Variants in CSMD1 observed in about 807,000 individuals in gnomAD.
CSMD1 encodes the protein CUB and Sushi multiple domains 1.
A neutral mutation model predicts 417.5 loss-of-function variants in CSMD1; 213 were observed. The ratio of observed to expected loss-of-function variants is 0.51; its 90% confidence interval spans 0.46 to 0.57. CSMD1 has a LOEUF of 0.57. Among genes scored for constraint, CSMD1 ranks in the 20% least tolerant of loss-of-function variants. The pLI is 0.00. For missense variants in CSMD1, 6,923 were observed against 4,529.7 expected (o/e 1.53, Z -15.17); for synonymous variants, 2,862 against 1,736.8 (o/e 1.65, Z -16.11).
chr8:4,815,479 T>C (rs1433536651), intron 1 of CSMD1, among the ~76,000 whole-genome samples: 2 of 151,894 alleles, frequency 1.3e-5, no homozygotes, highest in Non-Finnish European at 2.9e-5. Flanking sequence ...GAGCATCACA[T>C]GAGGTCAGGA....
chr8:4,355,322 C>T (rs1267288746), intron 3 of CSMD1, among the ~76,000 whole-genome samples: 1 of 132,890 alleles, frequency 7.5e-6, no homozygotes, highest in Non-Finnish European at 1.7e-5. Context: ...CACACACACA[C>T]ACGCACACAC....
intron 1 of CSMD1, among the ~76,000 whole-genome samples, chr8:4,729,026 GACGGA>G (rs1430073539): frequency 6.6e-6 from 1 of 152,140 alleles, no homozygotes; most frequent in African/African-American, 2.4e-5. Context: ...TTAGTATACA[GACGGA>G]AAGAGATAAA....
chr8:3,233,100 T>C (rs1798938783), intron 26 of CSMD1, among the ~76,000 whole-genome samples: 3 of 152,184 alleles, frequency 2.0e-5, no homozygotes, highest in Admixed American at 2.0e-4. Context: ...CATTTTTTTT[T>C]TCTGAGTTTT....
In CSMD1 at chr8:3,549,993, T is replaced by C. The variant is rs73176978; in HGVS notation, c.1344+24952A>G. Among the ~76,000 whole-genome samples, 593 of 152,334 alleles carry C rather than the reference T, an allele frequency of 3.9e-3. 3 individuals carry two copies. Among genetic ancestry groups the C allele is most frequent in the Middle Eastern group, 6.8e-3 (2 of 294 alleles). On this transcript the variant is annotated intron_variant, in intron 10 of 69. Coordinates refer to ENST00000635120, the MANE Select transcript of CSMD1 (RefSeq NM_033225.6). The stretch of plus-strand genomic sequence containing the variant: ...TAGACATAAAGAGTTAATATATGTG[T>C]TGCTTATGTTTTAATGACCACCTTC...
intron 50 of CSMD1, chr8:3,043,798 T>C (rs1585214870): frequency 6.6e-6 from 1 of 152,386 alleles, no homozygotes; most frequent in Admixed American, 6.6e-5. Flanking sequence ...AAACACATTA[T>C]AAGGCAAACA....
At chr8:3,789,202 G>A (rs1180408011) in intron 5 of CSMD1, among the ~76,000 whole-genome samples, 1 of 152,086 alleles carries the variant, frequency 6.6e-6, no homozygotes, top group Admixed American at 6.5e-5. Context: ...TGAAAGCGCT[G>A]TGTATGAGCA....
At chr8:4,380,377 T>G (rs570087116) in intron 3 of CSMD1, among the ~76,000 whole-genome samples, 1 of 152,284 alleles carries the variant, frequency 6.6e-6, no homozygotes, top group East Asian at 1.9e-4. Context: ...CCCAAAAATC[T>G]ATAGCTCCAG....
At position 4,895,681 on chromosome 8, in the gene CSMD1, T is replaced by C. The variant is rs146733166; in HGVS notation, c.85+98651A>G. Among the ~76,000 whole-genome samples the C allele has an allele frequency of 7.7e-3, 1,176 of 152,088 alleles. 9 individuals are homozygous for C. Among genetic ancestry groups the C allele is most frequent in the Non-Finnish European group, 0.011 (743 of 67,994 alleles). On this transcript the variant is annotated intron_variant, in intron 1 of 69. Coordinates refer to ENST00000635120, the MANE Select transcript of CSMD1 (RefSeq NM_033225.6). ...CCTTTTTCCAAATTGCTATCCACCT[T>C]CACCTTCCCTGATTTTTTTTTTTCT...
intron 3 of CSMD1, among the ~76,000 whole-genome samples, chr8:4,313,336 A>AT (rs1363988576): frequency 6.9e-6 from 1 of 145,324 alleles, no homozygotes; most frequent in Non-Finnish European, 1.5e-5. Context: ...GGAGGAATCC[A>AT]TCATGGGGGT....
intron 7 of CSMD1, among the ~76,000 whole-genome samples, chr8:3,654,838 T>G (rs1034622355): frequency 6.6e-6 from 1 of 152,002 alleles, no homozygotes; most frequent in Non-Finnish European, 1.5e-5. Context: ...ATAGAACACA[T>G]CACCTGCTCT....
chr8:4,408,784 G>T (rs17070159), intron 3 of CSMD1, among the ~76,000 whole-genome samples: 1 of 152,004 alleles, frequency 6.6e-6, no homozygotes, highest in Non-Finnish European at 1.5e-5. Context: ...CCATTTTTCT[G>T]GCTCCATTTA....
intron 2 of CSMD1, among the ~76,000 whole-genome samples, chr8:4,527,769 T>C (rs1303663568): frequency 2.0e-5 from 3 of 152,242 alleles, no homozygotes; most frequent in African/African-American, 7.2e-5. Flanking sequence ...CAATCGTAGC[T>C]ATTCATTCTT....
At chr8:2,981,022 T>TA (rs1202262707) in intron 54 of CSMD1, among the ~76,000 whole-genome samples, 1 of 152,214 alleles carries the variant, frequency 6.6e-6, no homozygotes, top group Non-Finnish European at 1.5e-5. Context: ...CAGTCCTACA[T>TA]AGAGTTGCAG....
intron 4 of CSMD1, among the ~76,000 whole-genome samples, chr8:4,019,914 T>TA (rs144493389): frequency 0.022 from 3,233 of 144,250 alleles, 58 homozygotes; most frequent in Non-Finnish European, 0.03. Flanking sequence ...AGTAATTCAT[T>TA]AAAAAAAAAA....
At chr8:3,050,998 G>A (rs1811783003) in intron 50 of CSMD1, among the ~76,000 whole-genome samples, 1 of 152,156 alleles carries the variant, frequency 6.6e-6, no homozygotes, top group Non-Finnish European at 1.5e-5. Flanking sequence ...TGCTGCTGGT[G>A]GGAGTGTAAA....
At chr8:4,471,703 C>T (rs1283438473) in intron 2 of CSMD1, among the ~76,000 whole-genome samples, 1 of 151,870 alleles carries the variant, frequency 6.6e-6, no homozygotes, top group East Asian at 1.9e-4. Context: ...GAACACGACC[C>T]ATCTTCAAAG....
intron 3 of CSMD1, among the ~76,000 whole-genome samples, chr8:4,179,237 T>C (rs1217728126): frequency 1.3e-4 from 20 of 151,716 alleles, no homozygotes; most frequent in Middle Eastern, 3.4e-3. Flanking sequence ...GAGATATAAA[T>C]CAATGGAACA....
intron 5 of CSMD1, among the ~76,000 whole-genome samples, chr8:3,982,184 TAATAATATTAATAAAAAA>T (rs1185197325): frequency 4.3e-4 from 55 of 128,874 alleles, no homozygotes; most frequent in African/African-American, 1.5e-3. Flanking sequence ...ATAATAATAA[TAATAATATTAATAAAAAA>T]AATAATAATA....
At chr8:3,726,346 A>C (rs186928524) in intron 6 of CSMD1, among the ~76,000 whole-genome samples, 66 of 152,302 alleles carry the variant, frequency 4.3e-4, no homozygotes, top group African/African-American at 1.5e-3. Flanking sequence ...CCGGTAATTT[A>C]TTTGTAGCAA....
Sources: allele counts gnomAD v4.1 joint callset (sites outside exome capture counted in the v4.1 genomes callset), GRCh38; gene constraint gnomAD v4.1.1; transcripts MANE v1.5; gene names NCBI Gene and HGNC (gene_info 2026-07-23, HGNC 2026-07-21).